The following NUP153 variants were observed in gnomAD, a reference collection of about 807,000 sequenced individuals.
NUP153 encodes the protein nucleoporin 153.
NUP153 carries 27 observed loss-of-function variants against 134.6 expected under a neutral mutation model. That is an observed-to-expected ratio of 0.20 (90% CI 0.15 to 0.28). NUP153 has a LOEUF of 0.28. NUP153 is among the 10% of genes least tolerant of loss of function. NUP153 has a pLI of 1.00. For missense variants in NUP153, 1,821 were observed against 1,731.3 expected (o/e 1.05, Z -0.92); for synonymous variants, 640 against 623.5 (o/e 1.03, Z -0.40).
chr6:17,632,704 T>A lies in NUP153; in HGVS notation c.2605A>T (p.Thr869Ser). ...GCACTTTCACATGCCAAACATTTGG[T>A]AGAGTCTGCCTTATTCTGCACTAGG... ...LCLVQNKADS[T>S]KCLACESAKP... Residue 869 changes from threonine to serine, a missense_variant, in exon 17 of 22, where the codon ACC becomes TCC. Physicochemically the swap from Thr to Ser is moderately conservative, Grantham distance 58 (BLOSUM62 1). Transcript: ENST00000262077. 2 of 1,613,330 alleles carry A rather than the reference T, an allele frequency of 1.2e-6. No individual in the cohort carries two copies.
chr6:17,690,653 TTAG>T lies in NUP153; in HGVS notation c.112-2038_112-2036del, dbSNP rs1176770583. ...CAACAATTTATTTCACGAAGCAGATTTAGTAGGATTTCAAAGAAAGAGTCAAAG... is the reference window on the plus strand; with the variant it reads ...CAACAATTTATTTCACGAAGCAGATTTAGGATTTCAAAGAAAGAGTCAAAG... On this transcript the variant is annotated intron_variant, in intron 1 of 21. Coordinates refer to ENST00000262077, the MANE Select transcript of NUP153 (RefSeq NM_005124.4). Among the ~76,000 whole-genome samples the T allele has an allele frequency of 3.9e-5, 6 of 151,928 alleles. No individual in the cohort carries two copies. In the East Asian group the frequency reaches 1.2e-3, roughly 29 times the overall value.
chr6:17,635,669 G>C (rs906675538), intron 16 of NUP153, among the ~76,000 whole-genome samples: 1 of 152,240 alleles, frequency 6.6e-6, no homozygotes, highest in African/African-American at 2.4e-5. Context: ...CCAGTGCTGG[G>C]ATTACAGGCG....
intron 14 of NUP153, among the ~76,000 whole-genome samples, chr6:17,642,989 A>G (rs1409483075): frequency 1.3e-5 from 2 of 152,200 alleles, no homozygotes; most frequent in African/African-American, 4.8e-5. Context: ...GAGACAGAAC[A>G]CAAGTTGACA....
chr6:17,701,832 C>CGGGGGG (rs59685451), intron 1 of NUP153, among the ~76,000 whole-genome samples: 7 of 44,438 alleles, frequency 1.6e-4, no homozygotes, highest in South Asian at 1.2e-3. Flanking sequence ...GACTCTGTCT[C>CGGGGGG]GGGGGGGGGG....
In NUP153 at chr6:17,663,260, C is replaced by CACACATAT. The variant is rs1389702878; in HGVS notation, c.1216-1191_1216-1190insATATGTGT. Among the ~76,000 whole-genome samples, 389 of 140,054 alleles carry CACACATAT rather than the reference C, an allele frequency of 2.8e-3. 1 individual carries two copies. The highest frequency in any genetic ancestry group is 4.4e-3 in the Non-Finnish European group (282 of 64,500). 91.9% of individuals were successfully genotyped at this position (140,054 alleles called of 152,430 possible). ...ACACACACACACACACACACACACACATATATATATATATATTTTGAGTCA... is the reference window on the plus strand; with the variant it reads ...ACACACACACACACACACACACACACACACATATATATATATATATATATTTTGAGTCA... On this transcript the variant is annotated intron_variant, in intron 9 of 21. Coordinates refer to ENST00000262077, the MANE Select transcript of NUP153 (RefSeq NM_005124.4).
intron 1 of NUP153, among the ~76,000 whole-genome samples, chr6:17,700,902 G>A (rs187852909): frequency 1.3e-5 from 2 of 152,288 alleles, no homozygotes; most frequent in Admixed American, 1.3e-4. Context: ...CCTGATCTAA[G>A]CTACTGATAA....
intron 17 of NUP153, among the ~76,000 whole-genome samples, chr6:17,630,051 AT>A (rs1277216287): frequency 2.6e-5 from 4 of 152,228 alleles, no homozygotes; most frequent in Non-Finnish European, 5.9e-5. Flanking sequence ...CCCTGATAAA[AT>A]CAAAGGGGCA....
rs1298981416 is a variant in NUP153, at chr6:17,628,230, T to C, written c.3544+425A>G. ...CAGGATTAATTATATTTGTTGTCTA[T>C]GTTTCTTAATGTTTGATGAGGACTG... is the stretch of plus-strand genomic sequence containing the variant. On this transcript the variant is annotated intron_variant, in intron 18 of 21. Transcript: ENST00000262077. The surrounding 1 kb of genome is among the most constrained non-coding windows in gnomAD (Gnocchi z 5.4). Among the ~76,000 whole-genome samples the C allele has an allele frequency of 2.0e-5, 3 of 152,236 alleles. No individual in the cohort carries two copies. Among genetic ancestry groups the C allele is most frequent in the African/African-American group, 4.8e-5 (2 of 41,464 alleles).
intron 14 of NUP153, 128 bp downstream of exon 14, chr6:17,645,935 CTGCT>C (rs1158956583): frequency 3.1e-5 from 14 of 445,156 alleles, no homozygotes; most frequent in Admixed American, 2.5e-4. Context: ...ATAATAGTGC[CTGCT>C]TGCTTTTCAG....
At chr6:17,679,338 A>G (rs1026009792) in intron 2 of NUP153, among the ~76,000 whole-genome samples, 8 of 152,236 alleles carry the variant, frequency 5.3e-5, no homozygotes, top group African/African-American at 1.9e-4. Context: ...AAAGATGTGC[A>G]CATGGAAACT....
At position 17,647,889 on chromosome 6, in the gene NUP153, G is replaced by A. The variant is rs752542293; in HGVS notation, c.1550C>T (p.Pro517Leu). The A allele has an allele frequency of 2.5e-5, 40 of 1,611,282 alleles. No homozygotes were observed. The highest frequency in any genetic ancestry group is 5.5e-5 in the South Asian group (5 of 90,574). ...AAACATGGGACTGCCAGTGCTGCTC[G>A]GAGAGGTCATTTGTACCTGGTTTTC... ...ALTNKVQMTS[P>L]SSTGSPMFKF... The change falls in exon 13 of 22, where the codon CCG (proline) becomes CTG (leucine). Residue 517 changes from proline to leucine, a missense_variant. Physicochemically the swap from Pro to Leu is moderately conservative, Grantham distance 98. Transcript: ENST00000262077.
intron 1 of NUP153, among the ~76,000 whole-genome samples, chr6:17,705,057 C>T (rs527638345): frequency 6.6e-6 from 1 of 152,334 alleles, no homozygotes; most frequent in Admixed American, 6.5e-5. Flanking sequence ...GCGCCCGACC[C>T]AAATCTTTAC....
intron 1 of NUP153, 54 bp from the exon 2 acceptor site, chr6:17,688,672 T>A: frequency 2.1e-6 from 3 of 1,416,816 alleles, no homozygotes; most frequent in Non-Finnish European, 2.9e-6. Flanking sequence ...CTTTTTAAAA[T>A]AAGTACCTAC....
chr6:17,675,350 T>C lies in NUP153; in HGVS notation c.602A>G (p.Asn201Ser). Reference sequence around the variant, plus strand: ...GGACCACAGAGGTGGCAATGAAGTGTTCTTTGAAACAGTTATATCTGAAAC... The same window carrying C: ...GGACCACAGAGGTGGCAATGAAGTGCTCTTTGAAACAGTTATATCTGAAAC... The part of the protein sequence containing the change: ...ASDKDITVSK[N>S]TSLPPLWSPE... The change falls in exon 4 of 22, where the codon AAC becomes AGC. Residue 201 changes from asparagine to serine, a missense_variant. Transcript: ENST00000262077. This position sits in a 1 kb window ranked among gnomAD's most constrained non-coding sequence, Gnocchi z 4.4. The C allele has an allele frequency of 3.7e-6, 6 of 1,613,974 alleles. No homozygotes were observed. The highest frequency in any genetic ancestry group is 5.1e-6 in the Non-Finnish European group (6 of 1,179,950).
At chr6:17,620,095 C>CAA (rs58013807) in intron 20 of NUP153, among the ~76,000 whole-genome samples, 2,643 of 62,962 alleles carry the variant, frequency 0.042, 335 homozygotes, top group African/African-American at 0.047. Flanking sequence ...AAGACACCAT[C>CAA]AAAAAAAAAA....
At chr6:17,623,504 T>C (rs1374136421) in intron 20 of NUP153, among the ~76,000 whole-genome samples, 1 of 152,136 alleles carries the variant, frequency 6.6e-6, no homozygotes, top group Admixed American at 6.5e-5. Flanking sequence ...TAGTATAAGA[T>C]ATACAAACCT....
At chr6:17,697,808 G>T (rs1292697863) in intron 1 of NUP153, among the ~76,000 whole-genome samples, 2 of 151,410 alleles carry the variant, frequency 1.3e-5, no homozygotes, top group Non-Finnish European at 2.9e-5. Flanking sequence ...CAGCTGGGGT[G>T]GGGGAAGGCT....
chr6:17,643,972 A>AAAAAACTTTTAGAAAAAACTTTT (rs1765996912), intron 14 of NUP153, among the ~76,000 whole-genome samples: 1 of 152,228 alleles, frequency 6.6e-6, no homozygotes, highest in African/African-American at 2.4e-5. Context: ...GTTAACATTA[A>AAAAAACTTTTAGAAAAAACTTTT]AGAAAAAAAA....
intron 2 of NUP153, among the ~76,000 whole-genome samples, chr6:17,684,067 A>G (rs1768771494): frequency 6.6e-6 from 1 of 152,036 alleles, no homozygotes; most frequent in South Asian, 2.1e-4. Context: ...CATGTGACTG[A>G]TATGCCTGCT....
Sources: gnomAD v4.1 joint callset for allele counts (sites outside exome capture counted in the v4.1 genomes callset) on GRCh38, gnomAD v4.1.1 for gene constraint, Gnocchi (gnomAD v3.1) non-coding constraint, MANE v1.5 for transcripts, NCBI Gene and HGNC (gene_info 2026-07-23, HGNC 2026-07-21) for gene names.